LRP1B: variants seen among roughly 807,000 people sequenced by gnomAD.
The protein encoded by LRP1B is LDL receptor related protein 1B.
LRP1B carries 217 observed loss-of-function variants against 556.6 expected under a neutral mutation model. The observed-to-expected ratio is 0.39, with a 90% CI of 0.35 to 0.44. The LOEUF is 0.44. Ranked by LOEUF, LRP1B falls within the 20% of genes least tolerant of loss-of-function variation. The pLI is 1.00. For missense variants in LRP1B, 5,053 were observed against 5,620.8 expected (o/e 0.90, Z 3.23); for synonymous variants, 2,047 against 1,865.8 (o/e 1.10, Z -2.50).
chr2:140,252,800 A>G (rs1383369022), intron 86 of LRP1B, among the ~76,000 whole-genome samples: 1 of 152,078 alleles, frequency 6.6e-6, no homozygotes, highest in African/African-American at 2.4e-5. Flanking sequence ...TGAAATCAAC[A>G]TCACATTTGT....
chr2:141,418,266 C>T (rs1254999112), intron 3 of LRP1B, among the ~76,000 whole-genome samples: 1 of 151,918 alleles, frequency 6.6e-6, no homozygotes, highest in Non-Finnish European at 1.5e-5. Flanking sequence ...TCTATTTTTG[C>T]TTTTGTTGCC....
chr2:141,110,130 G>A (rs1013216474), intron 7 of LRP1B, among the ~76,000 whole-genome samples: 1 of 151,982 alleles, frequency 6.6e-6, no homozygotes, highest in Non-Finnish European at 1.5e-5. Flanking sequence ...AGCTAAATAA[G>A]TAAAATTACA....
At chr2:141,114,998 C>T (rs1332311376) in intron 7 of LRP1B, among the ~76,000 whole-genome samples, 4 of 151,998 alleles carry the variant, frequency 2.6e-5, no homozygotes, top group African/African-American at 7.2e-5. Context: ...CACTCCTTTC[C>T]GAAGGAAACA....
chr2:141,860,820 C>T (rs1698215489), intron 1 of LRP1B, among the ~76,000 whole-genome samples: 4 of 152,126 alleles, frequency 2.6e-5, no homozygotes, highest in Admixed American at 2.6e-4. Flanking sequence ...TGTATCATTA[C>T]ACTTCATCTT....
chr2:141,134,095 C>T (rs561882135), intron 7 of LRP1B, among the ~76,000 whole-genome samples: 25 of 151,916 alleles, frequency 1.6e-4, no homozygotes, highest in Non-Finnish European at 3.1e-4. Context: ...TTCCCCTACC[C>T]GCCACCGCCC....
intron 35 of LRP1B, among the ~76,000 whole-genome samples, chr2:140,757,166 A>T (rs1238282625): frequency 6.6e-6 from 1 of 152,236 alleles, no homozygotes; most frequent in Non-Finnish European, 1.5e-5. Flanking sequence ...CTTGGAGACA[A>T]TGTGCAGACA....
intron 7 of LRP1B, among the ~76,000 whole-genome samples, chr2:141,169,181 G>A (rs1426330504): frequency 6.6e-6 from 1 of 151,706 alleles, no homozygotes. Context: ...AGCTACTTGG[G>A]AGGCTGAGGT....
intron 2 of LRP1B, among the ~76,000 whole-genome samples, chr2:141,659,619 G>A (rs1369335855): frequency 6.6e-6 from 1 of 152,090 alleles, no homozygotes; most frequent in Non-Finnish European, 1.5e-5. Flanking sequence ...GGGAGCTTGA[G>A]TCTGAAGTGG....
intron 1 of LRP1B, among the ~76,000 whole-genome samples, chr2:141,989,340 G>A (rs1293157912): frequency 6.6e-6 from 1 of 151,628 alleles, no homozygotes; most frequent in Non-Finnish European, 1.5e-5. Flanking sequence ...TTAAAAATTA[G>A]TCATAATTCA....
intron 41 of LRP1B, among the ~76,000 whole-genome samples, chr2:140,636,470 T>C (rs1437713304): frequency 6.6e-6 from 1 of 152,164 alleles, no homozygotes; most frequent in African/African-American, 2.4e-5. Context: ...ATAGAAAATG[T>C]ATTCCTGCAT....
intron 2 of LRP1B, among the ~76,000 whole-genome samples, chr2:141,559,626 T>C (rs1414519965): frequency 1.3e-5 from 2 of 151,622 alleles, no homozygotes; most frequent in African/African-American, 2.4e-5. Flanking sequence ...TGTGATAAAG[T>C]AAATTTGTTT....
intron 2 of LRP1B, among the ~76,000 whole-genome samples, chr2:141,533,217 A>G (rs922419070): frequency 1.3e-5 from 2 of 152,176 alleles, no homozygotes; most frequent in Non-Finnish European, 2.9e-5. Context: ...ACAAAATCCA[A>G]AATAATAATT....
chr2:140,484,382 T>C (rs1026993282), intron 59 of LRP1B, among the ~76,000 whole-genome samples: 3 of 152,146 alleles, frequency 2.0e-5, no homozygotes, highest in African/African-American at 7.2e-5. Context: ...CAAAATCTAA[T>C]TGTTGCATAT....
At chr2:141,252,752 T>C (rs1351930744) in intron 4 of LRP1B, among the ~76,000 whole-genome samples, 2 of 152,166 alleles carry the variant, frequency 1.3e-5, no homozygotes, top group Non-Finnish European at 2.9e-5. Context: ...GGAATAGGCA[T>C]ACCATCACTT....
chr2:140,921,987 T>C (rs1256541340), intron 21 of LRP1B, among the ~76,000 whole-genome samples: 1 of 152,032 alleles, frequency 6.6e-6, no homozygotes, highest in Non-Finnish European at 1.5e-5. Context: ...GAGCTCATGA[T>C]TAAGCAATTG....
chr2:141,693,720 T>G (rs2105449803), intron 2 of LRP1B, among the ~76,000 whole-genome samples: 1 of 152,128 alleles, frequency 6.6e-6, no homozygotes, highest in East Asian at 1.9e-4. Flanking sequence ...CCCTATTTTG[T>G]TTTTTACTTA....
rs538095300 is a variant in LRP1B, at chr2:141,549,812, T to C, written c.206-69279A>G. ...GAGTTCGAGACCAGACTGGCCAACA[T>C]GGTGAAACCCCATCTCTACTAAGAA... On this transcript the variant is annotated intron_variant, in intron 2 of 90. Coordinates refer to ENST00000389484, the MANE Select transcript of LRP1B (RefSeq NM_018557.3). 8.6e-4 allele frequency among the ~76,000 whole-genome samples: 131 copies of C among 152,198 alleles called. 2 individuals carry two copies. The highest frequency in any genetic ancestry group is 3.1e-3 in the African/African-American group (127 of 41,536).
chr2:141,464,528 T>C (rs1443331874), intron 3 of LRP1B, among the ~76,000 whole-genome samples: 2 of 148,896 alleles, frequency 1.3e-5, no homozygotes, highest in African/African-American at 5.0e-5. Flanking sequence ...TTCTCCTGCC[T>C]CAGCCTCCTG....
At chr2:141,906,855 A>G (rs1345037220) in intron 1 of LRP1B, among the ~76,000 whole-genome samples, 1 of 152,050 alleles carries the variant, frequency 6.6e-6, no homozygotes, top group Non-Finnish European at 1.5e-5. Context: ...TTAAATGTTT[A>G]TCGTTAGAAC....
Sources: allele counts gnomAD v4.1 joint callset (sites outside exome capture counted in the v4.1 genomes callset), GRCh38; gene constraint gnomAD v4.1.1; transcripts MANE v1.5; gene names NCBI Gene and HGNC (gene_info 2026-07-23, HGNC 2026-07-21).